ZNF451: variants seen among roughly 807,000 people sequenced by gnomAD.
The protein encoded by ZNF451 is E3 SUMO-protein ligase ZNF451.
Under a neutral mutation model 107.1 loss-of-function variants are expected in ZNF451, and 80 were observed. The ratio of observed to expected loss-of-function variants is 0.75; its 90% CI spans 0.62 to 0.90. ZNF451 has a LOEUF of 0.90. Ranked by LOEUF, ZNF451 falls within the 40% of genes least tolerant of loss-of-function variation. The probability of loss-of-function intolerance (pLI) is 0.00; values close to 1 mark genes in which losing one functional copy is unlikely to be tolerated. For missense variants in ZNF451, 1,107 were observed against 1,236.2 expected (o/e 0.90, Z 1.57); for synonymous variants, 362 against 406.5 (o/e 0.89, Z 1.32).
intron 14 of ZNF451, among the ~76,000 whole-genome samples, chr6:57,166,704 G>A (rs1593181386): frequency 6.6e-6 from 1 of 152,208 alleles, no homozygotes; most frequent in East Asian, 1.9e-4. Context: ...ATTTTCAAGT[G>A]TTATGTACTG....
At chr6:57,166,943 C>G (rs1253568833) in intron 14 of ZNF451, among the ~76,000 whole-genome samples, 1 of 152,098 alleles carries the variant, frequency 6.6e-6, no homozygotes, top group Admixed American at 6.5e-5. Flanking sequence ...ACCATACTTG[C>G]TTTTTGTTTT....
chr6:57,146,782 C>T (rs1385622087), intron 9 of ZNF451, among the ~76,000 whole-genome samples: 2 of 152,142 alleles, frequency 1.3e-5, no homozygotes, highest in Non-Finnish European at 1.5e-5. Context: ...AATAATTTGC[C>T]TGTTCAATAA....
Position 57,153,498 on chromosome 6 carries a change from G to A in ZNF451, c.2884-363G>A, listed in dbSNP as rs139471833. Among the ~76,000 whole-genome samples, 651 of 151,200 alleles carry A rather than the reference G, an allele frequency of 4.3e-3. 4 individuals carry two copies. Among genetic ancestry groups the A allele is most frequent in the African/African-American group, 0.015 (634 of 41,150 alleles). The stretch of plus-strand genomic sequence containing the variant: ...ATCTTGGCTGCAACTTCTGCCTCCC[G>A]AGTTCAAGTGATTCTCCAGCCTCAG... On this transcript the variant is annotated intron_variant, in intron 12 of 14. Transcript: ENST00000370706.
chr6:57,139,235 T>C (rs1175285484), intron 7 of ZNF451, among the ~76,000 whole-genome samples: 2 of 152,110 alleles, frequency 1.3e-5, no homozygotes, highest in Admixed American at 1.3e-4. Context: ...AAGCAGCATA[T>C]AATTCATAAC....
chr6:57,095,814 T>TTGTTGTTG (rs1554296152), intron 2 of ZNF451, among the ~76,000 whole-genome samples: 1 of 148,034 alleles, frequency 6.8e-6, no homozygotes, highest in African/African-American at 2.5e-5. Context: ...GCTTTTTTTT[T>TTGTTGTTG]TTGTTGTTGT....
chr6:57,152,811 C>T (rs1044465391), intron 12 of ZNF451, among the ~76,000 whole-genome samples: 7 of 152,164 alleles, frequency 4.6e-5, no homozygotes, highest in Non-Finnish European at 1.0e-4. Flanking sequence ...CCAGGCTGGT[C>T]TCAAACTCCT....
chr6:57,109,156 T>C (rs1278961820), intron 3 of ZNF451: 1 of 985,358 alleles, frequency 1.0e-6, no homozygotes, highest in African/African-American at 1.7e-5. Context: ...CCATTGAGAT[T>C]TCACTGCTGG....
chr6:57,127,928 A>G (rs1342893481), intron 4 of ZNF451, among the ~76,000 whole-genome samples: 1 of 152,146 alleles, frequency 6.6e-6, no homozygotes, highest in Non-Finnish European at 1.5e-5. Context: ...ATAAACAAAG[A>G]TTTATTGGAA....
At position 57,141,420 on chromosome 6, in the gene ZNF451, G is replaced by A; in HGVS notation, c.821G>A (p.Gly274Glu). ...RKEECSKHMS[G>E]KNHFHQSFKL... ...GAGGAGTGTTCAAAGCATATGTCTGGAAAGAATCATTTCCATCAGAGTTTC... is the reference window on the plus strand; with the variant it reads ...GAGGAGTGTTCAAAGCATATGTCTGAAAAGAATCATTTCCATCAGAGTTTC... The change falls in exon 8 of 15, where the codon GGA (glycine) becomes GAA (glutamate). Residue 274 changes from glycine to glutamate, a missense_variant. By Grantham distance (98) the Gly-to-Glu change is moderately conservative (BLOSUM62 -2). Around this residue, in one of 5 missense-constraint regions of ZNF451, gnomAD observed 339 missense variants for 372.8 expected, o/e 0.91. Transcript: ENST00000370706. 5 of 1,612,538 alleles carry A rather than the reference G, an allele frequency of 3.1e-6. No individual in the cohort carries two copies. Among genetic ancestry groups the A allele is most frequent in the Non-Finnish European group, 4.2e-6 (5 of 1,179,210 alleles).
chr6:57,160,184 A>G (rs2127987213), intron 13 of ZNF451, among the ~76,000 whole-genome samples: 1 of 152,256 alleles, frequency 6.6e-6, no homozygotes, highest in East Asian at 1.9e-4. Context: ...GTAACATCTT[A>G]TGTTAGAGTG....
At chr6:57,118,854 G>C (rs1830498547) in intron 3 of ZNF451, among the ~76,000 whole-genome samples, 1 of 152,270 alleles carries the variant, frequency 6.6e-6, no homozygotes, top group African/African-American at 2.4e-5. Context: ...TCCTGTGACT[G>C]CCATTTCTGA....
chr6:57,096,458 T>G (rs1054816209), intron 2 of ZNF451, among the ~76,000 whole-genome samples: 1 of 151,928 alleles, frequency 6.6e-6, no homozygotes, highest in African/African-American at 2.4e-5. Context: ...AGTGCTGGGA[T>G]TACAGGCATG....
At chr6:57,130,411 C>G (rs965088157) in intron 5 of ZNF451, among the ~76,000 whole-genome samples, 1 of 152,118 alleles carries the variant, frequency 6.6e-6, no homozygotes, top group Non-Finnish European at 1.5e-5. Context: ...TCAGTGGTGT[C>G]ATCTTTGCTG....
intron 3 of ZNF451, chr6:57,116,513 T>C (rs1441379137): frequency 6.6e-6 from 1 of 152,354 alleles, no homozygotes; most frequent in Non-Finnish European, 1.5e-5. Context: ...ATCACACCAC[T>C]GTACTCCAGC....
At chr6:57,118,514 A>G (rs143019167) in intron 3 of ZNF451, among the ~76,000 whole-genome samples, 97 of 152,152 alleles carry the variant, frequency 6.4e-4, no homozygotes, top group African/African-American at 2.1e-3. Context: ...CTTTTTTTAG[A>G]AGAGAGTCTT....
chr6:57,169,530 TTAG>T lies in ZNF451; in HGVS notation c.*1067_*1069del, dbSNP rs921153440. On this transcript the variant is annotated 3_prime_UTR_variant, in exon 15 of 15. Transcript: ENST00000370706. ...AGAAATGTCTTATCTCTAAAAATTT[TTAG>T]TAGTAATTATTTACCAAACTTAAAA... The T allele has an allele frequency of 6.6e-6, 1 of 152,152 alleles. No individual in the cohort carries two copies. Among genetic ancestry groups the T allele is most frequent in the Admixed American group, 6.5e-5 (1 of 15,280 alleles). 9.4% of individuals were successfully genotyped at this position (152,152 alleles called of 1,614,324 possible). A position where few individuals can be genotyped will look rare whatever the true frequency, so the allele number is the denominator to read the frequency against.
At chr6:57,111,363 G>T (rs1467468823) in intron 3 of ZNF451, among the ~76,000 whole-genome samples, 5 of 137,096 alleles carry the variant, frequency 3.6e-5, no homozygotes, top group Non-Finnish European at 7.9e-5. Flanking sequence ...TTACTGTGGG[G>T]TTTTTTTGTT....
chr6:57,094,797 A>G (rs1297302865), intron 2 of ZNF451, among the ~76,000 whole-genome samples: 2 of 152,180 alleles, frequency 1.3e-5, no homozygotes, highest in Non-Finnish European at 2.9e-5. Flanking sequence ...CAGGTAATAA[A>G]CATTGATTTA....
At chr6:57,109,730 C>T (rs1235329062) in intron 3 of ZNF451, 1 of 936,378 alleles carries the variant, frequency 1.1e-6, no homozygotes, top group Non-Finnish European at 1.3e-6. Context: ...TCTCTTTTCT[C>T]AAGTACAAGC....
Sources: gnomAD v4.1 joint callset for allele counts (sites outside exome capture counted in the v4.1 genomes callset) on GRCh38, gnomAD v4.1.1 for gene constraint, gnomAD v4.1.1 regional missense constraint, MANE v1.5 for transcripts, NCBI Gene and HGNC (gene_info 2026-07-23, HGNC 2026-07-21) for gene names.